Variants in SLC25A12 observed in about 807,000 individuals in gnomAD.
SLC25A12 encodes solute carrier family 25 member 12, also known as electrogenic aspartate/glutamate antiporter SLC25A12, mitochondrial.
Under a neutral mutation model 83.3 loss-of-function variants are expected in SLC25A12, and 32 were observed. That is an observed-to-expected ratio of 0.38 (90% CI 0.29 to 0.52). The LOEUF is 0.52. Ranked by LOEUF, SLC25A12 falls within the 20% of genes least tolerant of loss-of-function variation. SLC25A12 has a pLI of 0.84. For synonymous variants in SLC25A12, 267 were observed against 291.1 expected (o/e 0.92, Z 0.84); for missense variants, 611 against 835.6 (o/e 0.73, Z 3.31).
intron 8 of SLC25A12, among the ~76,000 whole-genome samples, chr2:171,832,856 T>C (rs1684472092): frequency 6.6e-6 from 1 of 152,310 alleles, no homozygotes; most frequent in South Asian, 2.1e-4. Context: ...GGCTTATGTC[T>C]TTTCCTATAA....
Position 171,844,466 on chromosome 2 carries a change from T to C in SLC25A12, c.368A>G (p.His123Arg). ...EIFGQTIIHH[H>R]IPFNWDCEFI... ...TTCACAATCCCAGTTAAAAGGGATATGATGATGAATAATAGTCTGTCCAAA... is the reference window on the plus strand; with the variant it reads ...TTCACAATCCCAGTTAAAAGGGATACGATGATGAATAATAGTCTGTCCAAA... The change falls in exon 5 of 18, where the codon CAT becomes CGT. Residue 123 changes from histidine to arginine, a missense_variant. His to Arg is a conservative substitution (Grantham distance 29). This residue lies in a region of SLC25A12 where 540 missense variants were observed against 777.5 expected (regional missense o/e 0.69). Coordinates refer to ENST00000422440, the MANE Select transcript of SLC25A12 (RefSeq NM_003705.5). 6.2e-7 allele frequency: 1 copy of C among 1,608,374 alleles called. No homozygotes were observed. The highest frequency in any genetic ancestry group is 8.5e-7 in the Non-Finnish European group (1 of 1,174,838).
chr2:171,882,902 G>A (rs781568416), intron 2 of SLC25A12, among the ~76,000 whole-genome samples: 6 of 152,008 alleles, frequency 3.9e-5, no homozygotes, highest in East Asian at 1.9e-4. Context: ...TCTTTTACAC[G>A]TCCAGACTGA....
In SLC25A12 at chr2:171,785,455, G is replaced by A; in HGVS notation, c.1856C>T (p.Pro619Leu). The A allele has an allele frequency of 6.2e-7, 1 of 1,614,184 alleles. No individual in the cohort carries two copies. Among genetic ancestry groups the A allele is most frequent in the Non-Finnish European group, 8.5e-7 (1 of 1,180,046 alleles). The change falls in exon 18 of 18, where the codon CCA (proline) becomes CTA (leucine). Residue 619 changes from proline (P) to leucine (L), a missense_variant. This residue lies in a region of SLC25A12 where 540 missense variants were observed against 777.5 expected (regional missense o/e 0.69). Transcript: ENST00000422440. ...GTCTGCAATGCGTGACTTAGGTGTT[G>A]GTTCTGAACCAGCGGGTTTGCTGTT... is the stretch of plus-strand genomic sequence containing the variant. Reference protein sequence around the residue: ...FGGLKPAGSEPTPKSRIADLP... With the variant: ...FGGLKPAGSELTPKSRIADLP...
At chr2:171,794,851 G>T in intron 13 of SLC25A12, among the ~76,000 whole-genome samples, 1 of 151,334 alleles carries the variant, frequency 6.6e-6, no homozygotes, top group Non-Finnish European at 1.5e-5. Flanking sequence ...ATGAAATCTG[G>T]GGCACTGTAA....
At chr2:171,815,049 G>T in intron 10 of SLC25A12, 72 bp downstream of exon 10, 3 of 1,244,946 alleles carry the variant, frequency 2.4e-6, no homozygotes, top group South Asian at 1.2e-5. Flanking sequence ...CACCTTTGCT[G>T]ATCTGCCTCA....
intron 5 of SLC25A12, 36 bp from the exon 6 acceptor site, chr2:171,837,303 T>G: frequency 6.2e-7 from 1 of 1,610,660 alleles, no homozygotes; most frequent in Non-Finnish European, 8.5e-7. Flanking sequence ...TTAAGCTGGT[T>G]AAACACATTC....
chr2:171,803,348 C>T (rs1339228174), intron 13 of SLC25A12, among the ~76,000 whole-genome samples: 1 of 152,036 alleles, frequency 6.6e-6, no homozygotes, highest in Non-Finnish European at 1.5e-5. Context: ...AAACGAACTT[C>T]ATTAAAGCCC....
At chr2:171,887,159 A>G (rs993583282) in intron 2 of SLC25A12, among the ~76,000 whole-genome samples, 9 of 152,374 alleles carry the variant, frequency 5.9e-5, no homozygotes, top group African/African-American at 2.2e-4. Context: ...ATAAAAGAAC[A>G]TATCTTTCTA....
intron 4 of SLC25A12, among the ~76,000 whole-genome samples, chr2:171,851,761 C>G (rs1684938985): frequency 6.6e-6 from 1 of 152,110 alleles, no homozygotes. Flanking sequence ...TCTTGAACTC[C>G]TGGGCTCAAG....
chr2:171,870,932 C>T (rs1298573080), intron 2 of SLC25A12, among the ~76,000 whole-genome samples: 1 of 151,706 alleles, frequency 6.6e-6, no homozygotes, highest in Non-Finnish European at 1.5e-5. Flanking sequence ...TTAGGCCAGG[C>T]ACAGTGGCTC....
chr2:171,873,791 C>T (rs553006880), intron 2 of SLC25A12, among the ~76,000 whole-genome samples: 1 of 152,028 alleles, frequency 6.6e-6, no homozygotes, highest in East Asian at 1.9e-4. Context: ...AAATTCTTAC[C>T]ATTTCTTTTT....
At chr2:171,840,053 CCTT>C (rs1016762130) in intron 5 of SLC25A12, among the ~76,000 whole-genome samples, 7 of 152,266 alleles carry the variant, frequency 4.6e-5, no homozygotes, top group Admixed American at 4.6e-4. Flanking sequence ...AACTGAAAGT[CCTT>C]CTGCAAAATT....
intron 9 of SLC25A12, among the ~76,000 whole-genome samples, chr2:171,819,313 A>G (rs111208315): frequency 1.8e-4 from 23 of 126,236 alleles, no homozygotes; most frequent in African/African-American, 5.9e-4. Context: ...TTATAATTAT[A>G]TATAATACAT....
intron 9 of SLC25A12, among the ~76,000 whole-genome samples, chr2:171,823,495 C>A (rs1684235329): frequency 6.6e-6 from 1 of 152,158 alleles, no homozygotes; most frequent in Non-Finnish European, 1.5e-5. Context: ...CTTCACAAAT[C>A]TGTTTCTATA....
intron 8 of SLC25A12, among the ~76,000 whole-genome samples, chr2:171,829,322 A>G (rs930988557): frequency 2.5e-4 from 38 of 152,222 alleles, no homozygotes; most frequent in African/African-American, 8.9e-4. Flanking sequence ...ATGGCCCTAT[A>G]TCAAAACCCA....
At position 171,859,911 on chromosome 2, in the gene SLC25A12, G is replaced by A. The variant is rs565587969; in HGVS notation, c.210-3962C>T. On this transcript the variant is annotated intron_variant, in intron 3 of 17. Coordinates refer to ENST00000422440, the MANE Select transcript of SLC25A12 (RefSeq NM_003705.5). The stretch of plus-strand genomic sequence containing the variant: ...GCCTCCTGAGTAGCTGGGATTACAG[G>A]TGCGTGCCACCACACCAGGCTAATT... Among the ~76,000 whole-genome samples, 70 of 152,198 alleles carry A rather than the reference G, an allele frequency of 4.6e-4. 1 individual carries two copies. Among genetic ancestry groups the A allele is most frequent in the African/African-American group, 1.5e-3 (63 of 41,508 alleles).
Position 171,834,050 on chromosome 2 carries a change from A to C in SLC25A12, c.758T>G (p.Phe253Cys). 6.3e-7 allele frequency: 1 copy of C among 1,595,656 alleles called. No individual in the cohort carries two copies. Among genetic ancestry groups the C allele is most frequent in the Non-Finnish European group, 8.6e-7 (1 of 1,163,380 alleles). Reference protein sequence around the residue: ...RKDVEVTKEEFAQSAIRYGQV... With the variant: ...RKDVEVTKEECAQSAIRYGQV... ...TCCATAGCGTATGGCACTCTGGGCA[A>C]ATTCCTCTGGAACAGAGAAAAAAAA... Residue 253 changes from phenylalanine to cysteine, a missense_variant, in exon 8 of 18, where the codon TTT (phenylalanine) becomes TGT (cysteine). Phe to Cys is a radical substitution (Grantham distance 205). Around this residue, in one of 3 missense-constraint regions of SLC25A12, gnomAD observed 540 missense variants for 777.5 expected, o/e 0.69. Transcript: ENST00000422440.
chr2:171,838,141 A>C (rs568883781), intron 5 of SLC25A12, among the ~76,000 whole-genome samples: 1 of 152,368 alleles, frequency 6.6e-6, no homozygotes, highest in South Asian at 2.1e-4. Flanking sequence ...GCAACTCTGT[A>C]AATAATAGTC....
intron 3 of SLC25A12, among the ~76,000 whole-genome samples, chr2:171,862,274 C>G (rs370718344): frequency 1.3e-5 from 2 of 152,162 alleles, no homozygotes; most frequent in African/African-American, 4.8e-5. Context: ...AAGCAACAGT[C>G]TAAATATTTT....
Sources: gnomAD v4.1 joint callset for allele counts (sites outside exome capture counted in the v4.1 genomes callset) on GRCh38, gnomAD v4.1.1 for gene constraint, gnomAD v4.1.1 regional missense constraint, MANE v1.5 for transcripts, NCBI Gene and HGNC (gene_info 2026-07-23, HGNC 2026-07-21) for gene names.